The following RNFT2 variants were observed in gnomAD, a reference collection of about 807,000 sequenced individuals.
The protein encoded by RNFT2 is E3 ubiquitin-protein ligase RNFT2.
RNFT2 carries 36 observed loss-of-function variants against 53.0 expected under a neutral mutation model. The observed-to-expected ratio is 0.68, with a 90% confidence interval of 0.52 to 0.90. The LOEUF is 0.90. Ranked by LOEUF, RNFT2 falls within the 40% of genes least tolerant of loss-of-function variation. RNFT2 has a pLI of 0.00. For synonymous variants in RNFT2, 260 were observed against 253.2 expected, an observed-to-expected ratio of 1.03 and a Z score of -0.26; for missense variants, 514 against 585.6, an observed-to-expected ratio of 0.88 and a Z score of 1.26.
chr12:116,768,321 G>A (rs142287298), intron 6 of RNFT2, among the ~76,000 whole-genome samples: 4,821 of 151,318 alleles, frequency 0.032, 284 homozygotes, highest in African/African-American at 0.11. Flanking sequence ...GGCTGGTCTC[G>A]AACTCCTGAC....
chr12:116,815,672 T>G (rs1875617361), intron 7 of RNFT2, among the ~76,000 whole-genome samples: 1 of 152,204 alleles, frequency 6.6e-6, no homozygotes, highest in African/African-American at 2.4e-5. Context: ...AGCCTTAATT[T>G]CATCACATCT....
chr12:116,828,226 T>C (rs539650931), intron 7 of RNFT2, among the ~76,000 whole-genome samples: 2 of 152,306 alleles, frequency 1.3e-5, no homozygotes, highest in South Asian at 4.2e-4. Context: ...TATTCATCCA[T>C]TAAAGTAGTG....
At chr12:116,806,393 T>TAGATAGATAGATAG (rs60469052) in intron 7 of RNFT2, among the ~76,000 whole-genome samples, 54 of 80,876 alleles carry the variant, frequency 6.7e-4, no homozygotes, top group African/African-American at 9.0e-4. Flanking sequence ...TATATATATA[T>TAGATAGATAGATAG]ATATATAGAT....
At chr12:116,835,495 G>A (rs967816923) in intron 8 of RNFT2, among the ~76,000 whole-genome samples, 2 of 152,082 alleles carry the variant, frequency 1.3e-5, no homozygotes, top group Non-Finnish European at 2.9e-5. Flanking sequence ...GAGAATCCTG[G>A]GAGGATGCAT....
chr12:116,782,837 C>T (rs1363557675), intron 7 of RNFT2, among the ~76,000 whole-genome samples: 3 of 152,132 alleles, frequency 2.0e-5, no homozygotes, highest in Non-Finnish European at 4.4e-5. Context: ...GTAACTGTGC[C>T]CTCCTCGTAC....
At chr12:116,846,916 T>A (rs1157095655) in intron 10 of RNFT2, among the ~76,000 whole-genome samples, 1 of 150,698 alleles carries the variant, frequency 6.6e-6, no homozygotes, top group Non-Finnish European at 1.5e-5. Flanking sequence ...TTTTTTTTTT[T>A]TTTTTTGAGA....
chr12:116,836,322 G>T, intron 10 of RNFT2, 40 bp downstream of exon 10: 1 of 1,511,420 alleles, frequency 6.6e-7, no homozygotes. Context: ...GACCAAGGCT[G>T]GGGGAGAGTA....
At chr12:116,801,799 G>GT (rs1264361379) in intron 7 of RNFT2, among the ~76,000 whole-genome samples, 17 of 143,040 alleles carry the variant, frequency 1.2e-4, no homozygotes, top group East Asian at 8.3e-4. Context: ...TTTCTGTGGG[G>GT]TTTTTTTTGT....
In RNFT2 at chr12:116,833,876, G is replaced by C; in HGVS notation, c.967G>C (p.Gly323Arg). ...CCAGCTGTGGTACAAATACATCATGGGTGACGACTCCTCCAACAGCTACTT... is the reference window on the plus strand; with the variant it reads ...CCAGCTGTGGTACAAATACATCATGCGTGACGACTCCTCCAACAGCTACTT... The part of the protein sequence containing the change: ...PIQLWYKYIM[G>R]DDSSNSYFLG... Residue 323 changes from glycine (G) to arginine (R), a missense_variant, in exon 8 of 11, where the codon GGT becomes CGT. Around this residue, in one of 3 missense-constraint regions of RNFT2, gnomAD observed 273 missense variants for 334.4 expected, o/e 0.82. Transcript: ENST00000257575. The C allele has an allele frequency of 6.2e-7, 1 of 1,613,332 alleles. No individual in the cohort carries two copies. The highest frequency in any genetic ancestry group is 2.2e-5 in the East Asian group (1 of 44,778).
At chr12:116,799,141 C>CT (rs1874647931) in intron 7 of RNFT2, among the ~76,000 whole-genome samples, 1 of 152,288 alleles carries the variant, frequency 6.6e-6, no homozygotes, top group African/African-American at 2.4e-5. Context: ...GATCGTAGGA[C>CT]TTGAGGTCCT....
At chr12:116,766,691 C>G (rs1187162405) in intron 5 of RNFT2, 123 bp from the exon 6 acceptor site, 2 of 731,202 alleles carry the variant, frequency 2.7e-6, no homozygotes, top group Non-Finnish European at 4.6e-6. Context: ...CCCTTCCTTT[C>G]ACCTTCAGCA....
chr12:116,743,815 AAC>A (rs1592933334), intron 3 of RNFT2, among the ~76,000 whole-genome samples: 2 of 152,204 alleles, frequency 1.3e-5, no homozygotes, highest in Middle Eastern at 6.8e-3. Flanking sequence ...TGCAGGGAAG[AAC>A]ACGGGGCTCA....
chr12:116,761,810 C>G (rs1442442372), intron 5 of RNFT2, among the ~76,000 whole-genome samples: 1 of 152,168 alleles, frequency 6.6e-6, no homozygotes, highest in Non-Finnish European at 1.5e-5. Context: ...CCTGCAGACC[C>G]TCAATTAGGT....
chr12:116,740,546 C>A, intron 2 of RNFT2, 25 bp downstream of exon 2: 1 of 1,557,722 alleles, frequency 6.4e-7, no homozygotes, highest in Non-Finnish European at 8.7e-7. Flanking sequence ...AGAGAATTTG[C>A]ATCTTTATTA....
intron 7 of RNFT2, among the ~76,000 whole-genome samples, chr12:116,801,803 TTTTTG>T (rs955916239): frequency 1.1e-4 from 15 of 138,848 alleles, no homozygotes; most frequent in African/African-American, 4.3e-4. Context: ...TGTGGGGTTT[TTTTTG>T]TTTGTTTGTT....
chr12:116,771,486 A>ATATATAT (rs1198593135), intron 6 of RNFT2, among the ~76,000 whole-genome samples: 12 of 101,064 alleles, frequency 1.2e-4, no homozygotes, highest in East Asian at 2.9e-4. Flanking sequence ...AAAAAAAAAA[A>ATATATAT]AAAAAAAAAT....
At chr12:116,848,455 C>T (rs1367673523) in intron 10 of RNFT2, among the ~76,000 whole-genome samples, 1 of 151,934 alleles carries the variant, frequency 6.6e-6, no homozygotes, top group Non-Finnish European at 1.5e-5. Flanking sequence ...TACCATGGGC[C>T]CCTTACTTCT....
At chr12:116,825,547 T>C (rs1408299384) in intron 7 of RNFT2, among the ~76,000 whole-genome samples, 1 of 152,234 alleles carries the variant, frequency 6.6e-6, no homozygotes, top group African/African-American at 2.4e-5. Flanking sequence ...CTTGGTGTGT[T>C]GAATACAGGT....
chr12:116,825,490 T>C (rs1876277717), intron 7 of RNFT2, among the ~76,000 whole-genome samples: 1 of 152,268 alleles, frequency 6.6e-6, no homozygotes, highest in South Asian at 2.1e-4. Context: ...GCCCTTCTTA[T>C]GTACCTGTGT....
Sources: allele counts gnomAD v4.1 joint callset (sites outside exome capture counted in the v4.1 genomes callset), GRCh38; gene constraint gnomAD v4.1.1; regional missense constraint gnomAD v4.1.1; transcripts MANE v1.5; gene names NCBI Gene and HGNC (gene_info 2026-07-23, HGNC 2026-07-21).